STK32B: variants seen among roughly 807,000 people sequenced by gnomAD.
The protein encoded by STK32B is serine/threonine-protein kinase 32B.
A neutral mutation model predicts 52.6 loss-of-function variants in STK32B; 43 were observed. The observed-to-expected ratio is 0.82, with a 90% CI of 0.64 to 1.05. The LOEUF (loss-of-function observed/expected upper bound fraction) is 1.05. Ranked by LOEUF, STK32B falls within the 50% of genes least tolerant of loss-of-function variation. STK32B has a pLI of 0.00. For synonymous variants in STK32B, 238 were observed against 204.3 expected, an observed-to-expected ratio of 1.17 and a Z score of -1.41; for missense variants, 621 against 534.6, an observed-to-expected ratio of 1.16 and a Z score of -1.59.
chr4:5,416,072 C>A (rs1182477002), intron 5 of STK32B, among the ~76,000 whole-genome samples: 1 of 152,108 alleles, frequency 6.6e-6, no homozygotes, highest in Non-Finnish European at 1.5e-5. Context: ...TAACTATTAT[C>A]CAAGGCTTTC....
chr4:5,451,933 C>T (rs1263802971), intron 7 of STK32B, among the ~76,000 whole-genome samples: 2 of 152,204 alleles, frequency 1.3e-5, no homozygotes, highest in South Asian at 2.1e-4. Context: ...GCCCCTTTCA[C>T]ATCACCTAGG....
chr4:5,481,533 T>A (rs1186651791), intron 11 of STK32B, among the ~76,000 whole-genome samples: 2 of 152,198 alleles, frequency 1.3e-5, no homozygotes, highest in African/African-American at 4.8e-5. Context: ...ATTCTCTAGG[T>A]TGCCTGTTCA....
At chr4:5,258,541 C>A (rs1322819527) in intron 3 of STK32B, among the ~76,000 whole-genome samples, 1 of 152,190 alleles carries the variant, frequency 6.6e-6, no homozygotes, top group Non-Finnish European at 1.5e-5. Flanking sequence ...AGAACTGCTC[C>A]ATTCTCCCCA....
At chr4:5,250,140 C>T (rs1179235627) in intron 3 of STK32B, among the ~76,000 whole-genome samples, 1 of 152,088 alleles carries the variant, frequency 6.6e-6, no homozygotes, top group Non-Finnish European at 1.5e-5. Context: ...GCCATATTTT[C>T]TTTATCCAGT....
chr4:5,135,605 A>G (rs1716026258), intron 1 of STK32B, among the ~76,000 whole-genome samples: 1 of 152,190 alleles, frequency 6.6e-6, no homozygotes, highest in African/African-American at 2.4e-5. Context: ...TCCCAAGGTA[A>G]GTGGTTGCTG....
intron 1 of STK32B, among the ~76,000 whole-genome samples, chr4:5,135,566 T>C (rs1386154543): frequency 1.3e-5 from 2 of 152,144 alleles, no homozygotes; most frequent in African/African-American, 4.8e-5. Context: ...CAAATAAAAT[T>C]GTTTTGTTAT....
the STK32B span, among the ~76,000 whole-genome samples, chr4:5,020,713 G>A: frequency 6.8e-6 from 1 of 146,024 alleles, no homozygotes; most frequent in Non-Finnish European, 1.5e-5. Context: ...CCCAAGATCA[G>A]GCAACAAGCA....
chr4:5,092,392 C>G (rs1055612829), intron 1 of STK32B, among the ~76,000 whole-genome samples: 1 of 152,010 alleles, frequency 6.6e-6, no homozygotes, highest in African/African-American at 2.4e-5. Flanking sequence ...ACTAGCCCAG[C>G]GTTGTGGTGG....
chr4:5,053,222 C>T (rs1741858315), intron 1 of STK32B, among the ~76,000 whole-genome samples: 1 of 152,188 alleles, frequency 6.6e-6, no homozygotes, highest in African/African-American at 2.4e-5. Context: ...CCTGAATGAC[C>T]GTCCATGGTG....
chr4:5,253,518 G>T (rs1577250281), intron 3 of STK32B, among the ~76,000 whole-genome samples: 1 of 152,194 alleles, frequency 6.6e-6, no homozygotes, highest in East Asian at 1.9e-4. Flanking sequence ...GGGATTACAG[G>T]TGCGTGCCAC....
intron 2 of STK32B, among the ~76,000 whole-genome samples, chr4:5,156,268 A>G (rs1178105570): frequency 1.3e-5 from 2 of 151,816 alleles, no homozygotes; most frequent in Admixed American, 6.6e-5. Context: ...CATATATAAT[A>G]TAAATGCATG....
chr4:5,458,433 T>A (rs1036044667), intron 8 of STK32B: 2 of 152,204 alleles, frequency 1.3e-5, no homozygotes, highest in African/African-American at 4.8e-5. Flanking sequence ...AGGGAAAGTG[T>A]CACTATCCCA....
At chr4:5,038,979 TTC>T in the STK32B span, among the ~76,000 whole-genome samples, 4 of 147,094 alleles carry the variant, frequency 2.7e-5, no homozygotes, top group Non-Finnish European at 5.9e-5. Context: ...TATACAAAAT[TTC>T]TTTCTTTTTT....
In STK32B at chr4:5,304,797, C is replaced by T. The variant is rs115493964; in HGVS notation, c.261-26423C>T. Among the ~76,000 whole-genome samples the T allele has an allele frequency of 3.7e-3, 566 of 152,064 alleles. 3 individuals are homozygous for T. Among genetic ancestry groups the T allele is most frequent in the African/African-American group, 0.012 (510 of 41,458 alleles). On this transcript the variant is annotated intron_variant, in intron 3 of 11. Transcript: ENST00000282908. ...AGGGGGGGTGCTTTCAACTTTTTTCCCATTCAGTAGAATATTGGCTGTGGG... is the reference window on the plus strand; with the variant it reads ...AGGGGGGGTGCTTTCAACTTTTTTCTCATTCAGTAGAATATTGGCTGTGGG...
At chr4:5,147,148 T>C (rs748625622) in intron 2 of STK32B, among the ~76,000 whole-genome samples, 1 of 152,120 alleles carries the variant, frequency 6.6e-6, no homozygotes, top group African/African-American at 2.4e-5. Flanking sequence ...ACTAATGTTT[T>C]TCCCAAATAG....
intron 3 of STK32B, among the ~76,000 whole-genome samples, chr4:5,330,401 A>G (rs1732153901): frequency 6.6e-6 from 1 of 152,212 alleles, no homozygotes; most frequent in Non-Finnish European, 1.5e-5. Context: ...ATTTTGTTAA[A>G]TGAATTTGGT....
intron 5 of STK32B, among the ~76,000 whole-genome samples, chr4:5,409,445 G>A (rs1737879653): frequency 6.6e-6 from 1 of 152,150 alleles, no homozygotes; most frequent in South Asian, 2.1e-4. Context: ...GAGATAGAAA[G>A]GAAGTGTATT....
chr4:5,382,470 C>T (rs1221443835), intron 4 of STK32B, among the ~76,000 whole-genome samples: 2 of 152,034 alleles, frequency 1.3e-5, no homozygotes, highest in Non-Finnish European at 2.9e-5. Context: ...GCAATTGGCT[C>T]CTTCCCTCTC....
rs1367786170 is a variant in STK32B at position 5,168,459 on chromosome 4, G to A, written c.260+9G>A. The A allele has an allele frequency of 1.2e-6, 2 of 1,609,990 alleles. No homozygotes were observed. The highest frequency in any genetic ancestry group is 1.7e-6 in the Non-Finnish European group (2 of 1,177,824). ...TTCCTGGTCAATCTGTGGTGAGTGT[G>A]GCTCCATCCAGGGCTCCTGTGGGTT... On this transcript the variant is annotated intron_variant, in intron 3 of 11. Coordinates refer to ENST00000282908, the MANE Select transcript of STK32B (RefSeq NM_018401.3).
Sources: allele counts gnomAD v4.1 joint callset (sites outside exome capture counted in the v4.1 genomes callset), GRCh38; gene constraint gnomAD v4.1.1; transcripts MANE v1.5; gene names NCBI Gene and HGNC (gene_info 2026-07-23, HGNC 2026-07-21).